NR6A1: variants seen among roughly 807,000 people sequenced by gnomAD.
The protein encoded by NR6A1 is retinoic acid receptor-related testis-associated receptor.
In NR6A1, 7 loss-of-function variants were observed where a neutral mutation model predicts 59.1. That is an observed-to-expected ratio of 0.12 (90% CI 0.07 to 0.22). The LOEUF (loss-of-function observed/expected upper bound fraction) is 0.22, where lower values mean the gene tolerates loss of function less well. Ranked by LOEUF, NR6A1 falls within the 10% of genes least tolerant of loss-of-function variation. The pLI is 1.00. For synonymous variants in NR6A1, 243 were observed against 236.1 expected (o/e 1.03, Z -0.27); for missense variants, 468 against 611.6 (o/e 0.77, Z 2.48).
intron 2 of NR6A1, among the ~76,000 whole-genome samples, chr9:124,671,622 G>A (rs948499592): frequency 1.3e-5 from 2 of 152,020 alleles, no homozygotes; most frequent in Non-Finnish European, 2.9e-5. Flanking sequence ...TTATTAATTA[G>A]ATCAACTAAG....
intron 2 of NR6A1, among the ~76,000 whole-genome samples, chr9:124,649,857 C>T (rs781723633): frequency 6.6e-6 from 1 of 152,066 alleles, no homozygotes; most frequent in Non-Finnish European, 1.5e-5. Flanking sequence ...AAATACTCAA[C>T]ATCATTAATC....
chr9:124,626,107 G>A (rs1459082711), intron 2 of NR6A1, among the ~76,000 whole-genome samples: 1 of 152,252 alleles, frequency 6.6e-6, no homozygotes, highest in Non-Finnish European at 1.5e-5. Flanking sequence ...GCGGGCTCAA[G>A]CAATTCTCCT....
At chr9:124,721,001 T>G (rs182267804) in intron 2 of NR6A1, among the ~76,000 whole-genome samples, 1 of 152,318 alleles carries the variant, frequency 6.6e-6, no homozygotes, top group Non-Finnish European at 1.5e-5. Flanking sequence ...CAAATGTTTA[T>G]TAAAAGTCTT....
In NR6A1 at chr9:124,649,233, C is replaced by CAAAAA. The variant is rs78432505; in HGVS notation, c.142+84070_142+84074dup. On this transcript the variant is annotated intron_variant, in intron 2 of 9. Transcript: ENST00000487099. ...ATAGTAAGAAAGTGTGGTACTGGCA[C>CAAAAA]AAAAAAAAAAAAAAAAAAAAAAGAC... is the stretch of plus-strand genomic sequence containing the variant. Among the ~76,000 whole-genome samples the CAAAAA allele has an allele frequency of 8.6e-3, 355 of 41,416 alleles. 18 individuals carry two copies. The highest frequency in any genetic ancestry group is 0.031 in the African/African-American group (339 of 10,838). The allele number at this position is 41,416 out of a possible 152,430, so 27.2% of individuals were successfully genotyped here.
chr9:124,616,402 CA>C (rs71372978), intron 2 of NR6A1, among the ~76,000 whole-genome samples: 10,751 of 68,262 alleles, frequency 0.16, 909 homozygotes, highest in East Asian at 0.35. Context: ...GACTCCATCT[CA>C]AAAAAAAAAA....
At chr9:124,661,975 T>C (rs189530171) in intron 2 of NR6A1, among the ~76,000 whole-genome samples, 4 of 151,640 alleles carry the variant, frequency 2.6e-5, no homozygotes, top group Admixed American at 1.3e-4. Context: ...CATCTTCAAC[T>C]ACACATCCAG....
chr9:124,592,481 G>A (rs915181125), intron 2 of NR6A1, among the ~76,000 whole-genome samples: 4 of 152,094 alleles, frequency 2.6e-5, no homozygotes, highest in Non-Finnish European at 5.9e-5. Context: ...TACTGTTTGC[G>A]GTGATTAAAT....
chr9:124,734,882 G>A (rs558725234), intron 1 of NR6A1, among the ~76,000 whole-genome samples: 3 of 151,878 alleles, frequency 2.0e-5, no homozygotes, highest in Admixed American at 6.6e-5. Flanking sequence ...TTGCTCTATC[G>A]CCCAGGCTAG....
intron 2 of NR6A1, among the ~76,000 whole-genome samples, chr9:124,559,045 T>C (rs947107801): frequency 6.6e-6 from 1 of 152,210 alleles, no homozygotes; most frequent in Non-Finnish European, 1.5e-5. Context: ...ATTCTTATCT[T>C]ATAGATAAGG....
Position 124,519,525 on chromosome 9 carries a change from G to C in NR6A1, c.*3180C>G, listed in dbSNP as rs1454390740. 2 of 152,184 alleles carry C rather than the reference G, an allele frequency of 1.3e-5. No individual in the cohort carries two copies. The highest frequency in any genetic ancestry group is 4.8e-5 in the African/African-American group (2 of 41,434). The allele number at this position is 152,184 out of a possible 1,614,324, so 9.4% of individuals were successfully genotyped here. ...ACATCAAAAAGGAGAGGGAGGGAAAGGCTTGCATGTTTCAATGTAGTGCAA... is the reference window on the plus strand; with the variant it reads ...ACATCAAAAAGGAGAGGGAGGGAAACGCTTGCATGTTTCAATGTAGTGCAA... On this transcript the variant is annotated 3_prime_UTR_variant, in exon 10 of 10. Transcript: ENST00000487099.
chr9:124,705,737 T>C (rs1003749097), intron 2 of NR6A1, among the ~76,000 whole-genome samples: 2 of 152,084 alleles, frequency 1.3e-5, no homozygotes, highest in Admixed American at 1.3e-4. Context: ...TATTGTATCA[T>C]CTTTTGTGTG....
intron 1 of NR6A1, among the ~76,000 whole-genome samples, chr9:124,765,443 G>T (rs1050242920): frequency 1.3e-5 from 2 of 152,204 alleles, no homozygotes; most frequent in African/African-American, 4.8e-5. Flanking sequence ...GTTTGCTTCT[G>T]TCAAGATAAA....
chr9:124,603,542 T>A (rs1398161407), intron 2 of NR6A1, among the ~76,000 whole-genome samples: 3 of 152,218 alleles, frequency 2.0e-5, no homozygotes, highest in Non-Finnish European at 4.4e-5. Context: ...CAAAGGTTCC[T>A]GATCAATATG....
At chr9:124,722,743 G>T (rs564821106) in intron 2 of NR6A1, among the ~76,000 whole-genome samples, 3 of 152,162 alleles carry the variant, frequency 2.0e-5, no homozygotes, top group African/African-American at 7.2e-5. Context: ...CTGAGACAGG[G>T]TCTCACTCCC....
intron 2 of NR6A1, among the ~76,000 whole-genome samples, chr9:124,610,347 T>A (rs1232936361): frequency 6.6e-6 from 1 of 152,228 alleles, no homozygotes; most frequent in East Asian, 1.9e-4. Context: ...TTTCTGCATC[T>A]TTTGAGATAA....
chr9:124,623,145 G>C (rs1158300904), intron 2 of NR6A1, among the ~76,000 whole-genome samples: 1 of 152,088 alleles, frequency 6.6e-6, no homozygotes, highest in Admixed American at 6.6e-5. Flanking sequence ...GGTCATGGCA[G>C]GACAAGAAAG....
intron 2 of NR6A1, among the ~76,000 whole-genome samples, chr9:124,659,941 T>G (rs1837377965): frequency 6.6e-6 from 1 of 152,264 alleles, no homozygotes; most frequent in African/African-American, 2.4e-5. Context: ...TTTGAACTTG[T>G]TTCTATTTTC....
At chr9:124,617,933 T>C (rs1835947150) in intron 2 of NR6A1, among the ~76,000 whole-genome samples, 2 of 152,260 alleles carry the variant, frequency 1.3e-5, no homozygotes, top group African/African-American at 4.8e-5. Context: ...CAGGTATATA[T>C]ACTGGCCATG....
At chr9:124,614,979 C>T (rs1835847669) in intron 2 of NR6A1, among the ~76,000 whole-genome samples, 1 of 152,160 alleles carries the variant, frequency 6.6e-6, no homozygotes, top group Admixed American at 6.5e-5. Flanking sequence ...CCTGGTATTG[C>T]TCTTTTAATG....
Sources: allele counts gnomAD v4.1 joint callset (sites outside exome capture counted in the v4.1 genomes callset), GRCh38; gene constraint gnomAD v4.1.1; transcripts MANE v1.5; gene names NCBI Gene and HGNC (gene_info 2026-07-23, HGNC 2026-07-21).